The following MKLN1 variants were observed in gnomAD, a reference collection of about 807,000 sequenced individuals.
The protein encoded by MKLN1 is muskelin.
In MKLN1, 18 loss-of-function variants were observed where a neutral mutation model predicts 99.0. The observed-to-expected ratio is 0.18, with a 90% CI of 0.13 to 0.27. MKLN1 has a LOEUF of 0.27. Among genes scored for constraint, MKLN1 ranks in the 10% least tolerant of loss-of-function variants. MKLN1 has a pLI of 1.00. For missense variants in MKLN1, 621 were observed against 875.9 expected (o/e 0.71, Z 3.67); for synonymous variants, 288 against 293.2 (o/e 0.98, Z 0.18).
intron 8 of MKLN1, among the ~76,000 whole-genome samples, chr7:131,414,998 T>TA (rs1794975452): frequency 6.6e-6 from 1 of 152,160 alleles, no homozygotes; most frequent in Admixed American, 6.5e-5. Context: ...AGAACTAAGA[T>TA]ATATTTTTAG....
chr7:131,441,483 T>C lies in MKLN1; in HGVS notation c.1174-1998T>C, dbSNP rs368250904. On this transcript the variant is annotated intron_variant, in intron 10 of 17. Transcript: ENST00000352689. ...TCTAACTCCTGACATAATAAATGAA[T>C]AGTCTTTAAACTTTTGGCTTTAAAG... Among the ~76,000 whole-genome samples the C allele has an allele frequency of 4.6e-5, 7 of 152,220 alleles. No individual in the cohort carries two copies. The East Asian group carries it at 5.8e-4, about 13-fold the overall frequency.
chr7:131,256,060 C>T (rs1356149799), intron 3 of MKLN1, among the ~76,000 whole-genome samples: 1 of 151,850 alleles, frequency 6.6e-6, no homozygotes, highest in Admixed American at 6.6e-5. Context: ...CATGTACCAC[C>T]ATACTCAGCT....
In MKLN1 at chr7:131,448,149, A is replaced by C. The variant is rs554377569; in HGVS notation, c.1525+2246A>C. ...AGGCTGAGGCAGGAGAATGGCGTGAACCCGGGAGGTGGAGCTTGCAGTGAG... is the reference window on the plus strand; with the variant it reads ...AGGCTGAGGCAGGAGAATGGCGTGACCCCGGGAGGTGGAGCTTGCAGTGAG... On this transcript the variant is annotated intron_variant, in intron 12 of 17. Transcript: ENST00000352689. Among the ~76,000 whole-genome samples, 5 of 152,162 alleles carry C rather than the reference A, an allele frequency of 3.3e-5. No homozygotes were observed. The East Asian group carries it at 7.7e-4, about 24-fold the overall frequency.
At chr7:131,255,112 A>T (rs191463332) in intron 3 of MKLN1, among the ~76,000 whole-genome samples, 89 of 151,948 alleles carry the variant, frequency 5.9e-4, no homozygotes, top group African/African-American at 2.1e-3. Flanking sequence ...GCAATTTTTT[A>T]AAAAAAATTT....
intron 3 of MKLN1, among the ~76,000 whole-genome samples, chr7:131,274,088 A>G (rs763488579): frequency 3.9e-5 from 6 of 152,210 alleles, no homozygotes; most frequent in Non-Finnish European, 8.8e-5. Flanking sequence ...GGTCAGGCTC[A>G]GAGAAACATG....
At chr7:131,421,243 T>C (rs928117166) in intron 8 of MKLN1, among the ~76,000 whole-genome samples, 1 of 152,226 alleles carries the variant, frequency 6.6e-6, no homozygotes, top group African/African-American at 2.4e-5. Context: ...TGACTATTAG[T>C]AGCATAATTT....
intron 17 of MKLN1, among the ~76,000 whole-genome samples, chr7:131,484,781 G>T (rs1357754973): frequency 6.6e-6 from 1 of 152,032 alleles, no homozygotes; most frequent in East Asian, 1.9e-4. Context: ...AGTTTGGTTG[G>T]TAGTGGTACA....
intron 3 of MKLN1, among the ~76,000 whole-genome samples, chr7:131,264,665 T>C (rs1797781909): frequency 6.6e-6 from 1 of 152,182 alleles, no homozygotes; most frequent in Admixed American, 6.5e-5. Flanking sequence ...TTTTTCTTTT[T>C]AGTTATTATT....
intron 2 of MKLN1, among the ~76,000 whole-genome samples, chr7:131,174,994 GA>G (rs2116343087): frequency 6.6e-6 from 1 of 151,652 alleles, no homozygotes; most frequent in East Asian, 1.9e-4. Flanking sequence ...TAGATAGATA[GA>G]TAGATAGATA....
At position 131,143,409 on chromosome 7, in the gene MKLN1, C is replaced by T. The variant is rs541632139; in HGVS notation, c.-297+468C>T. 5.9e-5 allele frequency among the ~76,000 whole-genome samples: 9 copies of T among 151,926 alleles called. No individual in the cohort carries two copies. In the South Asian group the frequency reaches 1.7e-3, roughly 28 times the overall value. Reference sequence around the variant, plus strand: ...TGAACCCAGGAGGCAGAAGTTGCAGCGAGCCAAGATCGTGCCACTGCATGC... The same window carrying T: ...TGAACCCAGGAGGCAGAAGTTGCAGTGAGCCAAGATCGTGCCACTGCATGC... On this transcript the variant is annotated intron_variant, in intron 2 of 7. Coordinates refer to the MKLN1 transcript ENST00000416992.
At chr7:131,258,096 G>A (rs1451398143) in intron 3 of MKLN1, among the ~76,000 whole-genome samples, 1 of 151,044 alleles carries the variant, frequency 6.6e-6, no homozygotes, top group African/African-American at 2.4e-5. Flanking sequence ...ACTCCAGCCT[G>A]GGTGACAGAG....
intron 16 of MKLN1, among the ~76,000 whole-genome samples, chr7:131,477,883 C>T (rs1319679530): frequency 6.6e-6 from 1 of 152,126 alleles, no homozygotes; most frequent in African/African-American, 2.4e-5. Flanking sequence ...GTCTCTTTTC[C>T]TGCATTCTCA....
At chr7:131,315,250 T>G (rs190542288) in intron 3 of MKLN1, among the ~76,000 whole-genome samples, 3 of 151,632 alleles carry the variant, frequency 2.0e-5, no homozygotes, top group Non-Finnish European at 2.9e-5. Flanking sequence ...GGTTAGACAG[T>G]GGGTGCAACC....
intron 1 of MKLN1, among the ~76,000 whole-genome samples, chr7:131,368,220 A>G (rs148701800): frequency 6.6e-6 from 1 of 152,342 alleles, no homozygotes; most frequent in East Asian, 1.9e-4. Context: ...AATTAAAAAC[A>G]GTCTAGATCT....
intron 3 of MKLN1, among the ~76,000 whole-genome samples, chr7:131,308,147 C>A (rs1324256542): frequency 6.6e-6 from 1 of 152,132 alleles, no homozygotes; most frequent in Non-Finnish European, 1.5e-5. Context: ...GAAAAAGGTA[C>A]TTGCTTCTCC....
chr7:131,280,869 T>C, intron 3 of MKLN1, among the ~76,000 whole-genome samples: 1 of 152,070 alleles, frequency 6.6e-6, no homozygotes, highest in East Asian at 1.9e-4. Context: ...AGGCTGTCTT[T>C]GTCCATGTTT....
At chr7:131,148,118 G>A (rs1242128451) in intron 2 of MKLN1, among the ~76,000 whole-genome samples, 1 of 152,026 alleles carries the variant, frequency 6.6e-6, no homozygotes, top group Non-Finnish European at 1.5e-5. Flanking sequence ...GCATAATTAT[G>A]GGTCACTGTA....
At chr7:131,216,436 A>AG in intron 3 of MKLN1, among the ~76,000 whole-genome samples, 1 of 151,778 alleles carries the variant, frequency 6.6e-6, no homozygotes, top group East Asian at 1.9e-4. Context: ...AAAAAAAAAA[A>AG]AGAAAAAAAA....
intron 2 of MKLN1, among the ~76,000 whole-genome samples, chr7:131,172,352 G>C (rs1796228151): frequency 6.6e-6 from 1 of 151,062 alleles, no homozygotes; most frequent in African/African-American, 2.4e-5. Context: ...GTCTCGCTCT[G>C]TCACCCAGGC....
Sources: allele counts gnomAD v4.1 joint callset (sites outside exome capture counted in the v4.1 genomes callset), GRCh38; gene constraint gnomAD v4.1.1; transcripts MANE v1.5; gene names NCBI Gene and HGNC (gene_info 2026-07-23, HGNC 2026-07-21).